TRAPPC9: variants seen among roughly 807,000 people sequenced by gnomAD.
TRAPPC9 encodes the protein IKK2 binding protein.
TRAPPC9 carries 83 observed loss-of-function variants against 124.0 expected under a neutral mutation model. The ratio of observed to expected loss-of-function variants is 0.67; its 90% CI spans 0.56 to 0.80. The LOEUF (loss-of-function observed/expected upper bound fraction) is 0.80. Among genes scored for constraint, TRAPPC9 ranks in the 30% least tolerant of loss-of-function variants. TRAPPC9 has a pLI of 0.00. For missense variants in TRAPPC9, 1,302 were observed against 1,508.3 expected (o/e 0.86, Z 2.27); for synonymous variants, 638 against 617.5 (o/e 1.03, Z -0.49).
intron 18 of TRAPPC9, among the ~76,000 whole-genome samples, chr8:140,006,959 G>C (rs1838798897): frequency 6.6e-6 from 1 of 152,192 alleles, no homozygotes; most frequent in Admixed American, 6.5e-5. Context: ...TACAGTTTAA[G>C]TGGGCGACTT....
Position 139,994,325 on chromosome 8 carries a change from T to C in TRAPPC9, c.2700-5489A>G, listed in dbSNP as rs113913213. ...GAGCCGAGAGGATTGCGCTTCACAC[T>C]GTGCGCCTGAGGCACAGAAGAGGAA... On this transcript the variant is annotated intron_variant, in intron 18 of 22. Transcript: ENST00000438773. Among the ~76,000 whole-genome samples the C allele has an allele frequency of 1.1e-4, 16 of 152,352 alleles. 1 individual carries two copies. The highest frequency in any genetic ancestry group is 3.8e-4 in the African/African-American group (16 of 41,584).
chr8:139,763,647 C>T (rs989787244), intron 21 of TRAPPC9, among the ~76,000 whole-genome samples: 1 of 152,226 alleles, frequency 6.6e-6, no homozygotes, highest in East Asian at 1.9e-4. Flanking sequence ...CATGTGCACA[C>T]AGGCACATGC....
At chr8:139,957,310 C>T (rs765222655) in intron 19 of TRAPPC9, among the ~76,000 whole-genome samples, 4 of 152,154 alleles carry the variant, frequency 2.6e-5, no homozygotes, top group Admixed American at 1.3e-4. Context: ...CTGTCCTGGA[C>T]GGGGCACGCT....
At chr8:140,300,749 T>A in intron 10 of TRAPPC9, 135 bp from the exon 11 acceptor site, 1 of 1,053,274 alleles carries the variant, frequency 9.5e-7, no homozygotes, top group Non-Finnish European at 1.5e-6. Flanking sequence ...GGAAAAGCAC[T>A]CCGAGGCATC....
intron 21 of TRAPPC9, among the ~76,000 whole-genome samples, chr8:139,739,811 G>C (rs1336076078): frequency 6.6e-6 from 1 of 152,238 alleles, no homozygotes; most frequent in Non-Finnish European, 1.5e-5. Context: ...AGGAACACTG[G>C]CACTTGGCCG....
chr8:139,956,457 G>A (rs549413562), intron 19 of TRAPPC9, among the ~76,000 whole-genome samples: 2 of 152,228 alleles, frequency 1.3e-5, no homozygotes, highest in South Asian at 4.2e-4. Context: ...CACCGCGCCC[G>A]GCCCATGGGA....
chr8:140,341,057 G>A (rs1458414094), intron 9 of TRAPPC9, among the ~76,000 whole-genome samples: 4 of 152,088 alleles, frequency 2.6e-5, no homozygotes, highest in Non-Finnish European at 4.4e-5. Flanking sequence ...GGAAACAACA[G>A]CAGAGGAAAA....
intron 15 of TRAPPC9, among the ~76,000 whole-genome samples, chr8:140,271,769 T>G (rs992152417): frequency 1.3e-5 from 2 of 152,182 alleles, no homozygotes; most frequent in African/African-American, 4.8e-5. Context: ...TAAAGGCAGG[T>G]GAAATGAATC....
intron 17 of TRAPPC9, among the ~76,000 whole-genome samples, chr8:140,028,899 G>A (rs1840323276): frequency 6.6e-6 from 1 of 152,120 alleles, no homozygotes; most frequent in African/African-American, 2.4e-5. Context: ...ATTATCAATT[G>A]AAAATGGATA....
intron 21 of TRAPPC9, among the ~76,000 whole-genome samples, chr8:139,803,710 C>T (rs1408769604): frequency 6.6e-6 from 1 of 152,210 alleles, no homozygotes; most frequent in Non-Finnish European, 1.5e-5. Context: ...TTCTCAAAGG[C>T]GATATGTGGC....
rs563887291 is a variant in TRAPPC9, at chr8:140,097,043, G to A, written c.2557-72964C>T. The stretch of plus-strand genomic sequence containing the variant: ...GGTGTATAGCCAGAACAATGGCACG[G>A]GGCAGGGCAAAGATGCTCACCCAGG... On this transcript the variant is annotated intron_variant, in intron 17 of 22. Coordinates refer to ENST00000438773, the MANE Select transcript of TRAPPC9 (RefSeq NM_001160372.4). This position sits in a 1 kb window ranked among gnomAD's most constrained non-coding sequence, Gnocchi z 4.2. The A allele has an allele frequency of 6.6e-6, 1 of 152,554 alleles. No homozygotes were observed. The highest frequency in any genetic ancestry group is 1.9e-4 in the East Asian group (1 of 5,182). The allele number at this position is 152,554 out of a possible 1,614,324, so 9.5% of individuals were successfully genotyped here.
chr8:139,863,602 C>A (rs1315128028), intron 21 of TRAPPC9, among the ~76,000 whole-genome samples: 1 of 152,238 alleles, frequency 6.6e-6, no homozygotes, highest in South Asian at 2.1e-4. Flanking sequence ...TACTACCCAG[C>A]AGGAGCACTG....
At chr8:139,882,188 G>A (rs780029210) in intron 21 of TRAPPC9, among the ~76,000 whole-genome samples, 2 of 152,184 alleles carry the variant, frequency 1.3e-5, no homozygotes, top group Non-Finnish European at 2.9e-5. Context: ...TGCTTTGCAG[G>A]CGGTAGGGAT....
intron 21 of TRAPPC9, among the ~76,000 whole-genome samples, chr8:139,852,777 T>C (rs1827566849): frequency 6.6e-6 from 1 of 152,192 alleles, no homozygotes; most frequent in South Asian, 2.1e-4. Flanking sequence ...GGAGCTCTGG[T>C]TGGCAGATGT....
chr8:139,780,567 T>G (rs74378635), intron 21 of TRAPPC9, among the ~76,000 whole-genome samples: 14,680 of 152,126 alleles, frequency 0.096, 899 homozygotes, highest in Admixed American at 0.15. Context: ...TGCAAAACTA[T>G]AAAGCTCCTA....
chr8:140,435,380 C>T, intron 3 of TRAPPC9, 140 bp from the exon 4 acceptor site: 1 of 1,221,870 alleles, frequency 8.2e-7, no homozygotes, highest in Non-Finnish European at 1.2e-6. Context: ...TTGGAAATGC[C>T]AATTTTTCTC....
At chr8:139,890,755 G>A (rs1277175086) in intron 20 of TRAPPC9, among the ~76,000 whole-genome samples, 5 of 152,042 alleles carry the variant, frequency 3.3e-5, no homozygotes, top group African/African-American at 1.2e-4. Flanking sequence ...TAGATGATGA[G>A]TTAGTGGGTG....
At chr8:139,936,552 C>T (rs912199680) in intron 19 of TRAPPC9, among the ~76,000 whole-genome samples, 1 of 152,198 alleles carries the variant, frequency 6.6e-6, no homozygotes, top group African/African-American at 2.4e-5. Flanking sequence ...CCACTAGGCC[C>T]CTGAGCAAGG....
intron 17 of TRAPPC9, among the ~76,000 whole-genome samples, chr8:140,116,334 C>T (rs774953433): frequency 6.6e-6 from 1 of 152,068 alleles, no homozygotes; most frequent in African/African-American, 2.4e-5. Context: ...GGCCAACTTT[C>T]GGAGGCAGGA....
Sources: allele counts gnomAD v4.1 joint callset (sites outside exome capture counted in the v4.1 genomes callset), GRCh38; gene constraint gnomAD v4.1.1; non-coding constraint Gnocchi (gnomAD v3.1); transcripts MANE v1.5; gene names NCBI Gene and HGNC (gene_info 2026-07-23, HGNC 2026-07-21).